NELL1: variants seen among roughly 807,000 people sequenced by gnomAD.
The protein encoded by NELL1 is protein kinase C-binding protein NELL1.
A neutral mutation model predicts 107.4 loss-of-function variants in NELL1; 76 were observed. The ratio of observed to expected loss-of-function variants is 0.71; its 90% CI spans 0.59 to 0.86. The LOEUF is 0.86. NELL1 is among the 40% of genes least tolerant of loss of function. NELL1 has a pLI of 0.00. For synonymous variants in NELL1, 353 were observed against 341.2 expected (o/e 1.03, Z -0.38); for missense variants, 1,024 against 1,005.5 (o/e 1.02, Z -0.25).
At chr11:21,545,644 C>G (rs982136275) in intron 16 of NELL1, among the ~76,000 whole-genome samples, 1 of 146,390 alleles carries the variant, frequency 6.8e-6, no homozygotes, top group Non-Finnish European at 1.5e-5. Context: ...GCAAATTGTT[C>G]TTCATAAGTT....
chr11:20,950,266 C>T (rs1266914403), intron 11 of NELL1, among the ~76,000 whole-genome samples: 1 of 152,158 alleles, frequency 6.6e-6, no homozygotes, highest in Non-Finnish European at 1.5e-5. Flanking sequence ...CTCTTCCCAT[C>T]AGGCAATCAG....
chr11:21,364,646 G>C (rs1276004546), intron 14 of NELL1, among the ~76,000 whole-genome samples: 2 of 152,054 alleles, frequency 1.3e-5, no homozygotes, highest in Non-Finnish European at 2.9e-5. Context: ...GTTTATATGT[G>C]CATATAAAGG....
chr11:21,524,973 G>T (rs941144274), intron 15 of NELL1, among the ~76,000 whole-genome samples: 74 of 152,178 alleles, frequency 4.9e-4, no homozygotes, highest in African/African-American at 1.7e-3. Context: ...AGTTTGAAAT[G>T]AAGAGACCTA....
intron 15 of NELL1, among the ~76,000 whole-genome samples, chr11:21,431,852 G>A (rs927005716): frequency 1.8e-4 from 28 of 152,208 alleles, no homozygotes; most frequent in Middle Eastern, 3.4e-3. Context: ...CAGGAGTAAA[G>A]TTAAGCATGT....
intron 2 of NELL1, among the ~76,000 whole-genome samples, chr11:20,762,481 A>G (rs1435641452): frequency 6.6e-6 from 1 of 152,252 alleles, no homozygotes; most frequent in Non-Finnish European, 1.5e-5. Flanking sequence ...TAATTAGGGC[A>G]TAAAAAAGAT....
chr11:21,139,654 G>C (rs146945797), intron 13 of NELL1, among the ~76,000 whole-genome samples: 1 of 152,172 alleles, frequency 6.6e-6, no homozygotes, highest in African/African-American at 2.4e-5. Context: ...CTGGTACATG[G>C]TAGGCACTTG....
intron 12 of NELL1, among the ~76,000 whole-genome samples, chr11:21,061,026 C>T (rs1403603639): frequency 9.9e-5 from 15 of 152,176 alleles, no homozygotes; most frequent in African/African-American, 1.7e-4. Context: ...TGAGCCACCA[C>T]GCCTGGCCCC....
intron 3 of NELL1, among the ~76,000 whole-genome samples, chr11:20,827,558 C>G (rs1857911032): frequency 6.6e-6 from 1 of 151,044 alleles, no homozygotes; most frequent in Non-Finnish European, 1.5e-5. Context: ...ATGTGGTATT[C>G]CAGGTGTTTC....
rs184538976 is a variant in NELL1, at chr11:20,920,137, G to C, written c.759+803G>C. On this transcript the variant is annotated intron_variant, in intron 7 of 19. Transcript: ENST00000357134. Reference sequence around the variant, plus strand: ...AAATATAGAAAATATGGCTAATGCTGTTGTTATGATACCAATCAGTTGTGG... The same window carrying C: ...AAATATAGAAAATATGGCTAATGCTCTTGTTATGATACCAATCAGTTGTGG... 1.7e-3 allele frequency among the ~76,000 whole-genome samples: 252 copies of C among 152,232 alleles called. 2 individuals carry two copies. The highest frequency in any genetic ancestry group is 5.9e-3 in the African/African-American group (247 of 41,546).
intron 14 of NELL1, among the ~76,000 whole-genome samples, chr11:21,263,282 C>G (rs1848568839): frequency 6.6e-6 from 1 of 151,920 alleles, no homozygotes; most frequent in Admixed American, 6.6e-5. Flanking sequence ...TACTTAAGAG[C>G]TCTGCAATAA....
chr11:21,555,236 G>A (rs186914747), intron 16 of NELL1, among the ~76,000 whole-genome samples: 1 of 151,896 alleles, frequency 6.6e-6, no homozygotes. Context: ...AGGATGAAGA[G>A]GGCAATATTA....
intron 13 of NELL1, among the ~76,000 whole-genome samples, chr11:21,152,029 C>T (rs938001311): frequency 4.6e-5 from 7 of 152,180 alleles, no homozygotes; most frequent in African/African-American, 7.2e-5. Context: ...CTAATCCTCC[C>T]TGAAGGTGAA....
chr11:20,813,273 C>G (rs1207028986), intron 3 of NELL1, among the ~76,000 whole-genome samples: 3 of 152,134 alleles, frequency 2.0e-5, no homozygotes, highest in Non-Finnish European at 4.4e-5. Flanking sequence ...AGAGATAATT[C>G]TTAATCCAGA....
chr11:21,322,634 T>C lies in NELL1; in HGVS notation c.1550-48219T>C, dbSNP rs368828085. 2.6e-5 allele frequency among the ~76,000 whole-genome samples: 4 copies of C among 152,296 alleles called. No individual in the cohort carries two copies. In the East Asian group the frequency reaches 5.8e-4, roughly 22 times the overall value. ...TGGTCTAGTCTACTATGTTTCATTTTTGTGCAAGTGTTGACTGTGATCCAA... is the reference window on the plus strand; with the variant it reads ...TGGTCTAGTCTACTATGTTTCATTTCTGTGCAAGTGTTGACTGTGATCCAA... On this transcript the variant is annotated intron_variant, in intron 14 of 19. Coordinates refer to ENST00000357134, the MANE Select transcript of NELL1 (RefSeq NM_006157.5).
intron 2 of NELL1, among the ~76,000 whole-genome samples, chr11:20,768,644 G>T (rs1856581458): frequency 6.6e-6 from 1 of 152,220 alleles, no homozygotes; most frequent in Non-Finnish European, 1.5e-5. Flanking sequence ...TAATCACAAG[G>T]GTTCTCATAA....
At chr11:21,095,263 C>T (rs539834851) in intron 12 of NELL1, among the ~76,000 whole-genome samples, 3 of 152,290 alleles carry the variant, frequency 2.0e-5, no homozygotes, top group East Asian at 3.9e-4. Context: ...TCAGCCTGAA[C>T]CTTATTGTCC....
At chr11:21,226,444 C>T (rs1857894831) in intron 13 of NELL1, among the ~76,000 whole-genome samples, 1 of 152,176 alleles carries the variant, frequency 6.6e-6, no homozygotes, top group Non-Finnish European at 1.5e-5. Flanking sequence ...TCTCTACTTA[C>T]CAGTTCTATG....
chr11:21,169,685 G>A (rs1003778219), intron 13 of NELL1: 6 of 589,326 alleles, frequency 1.0e-5, no homozygotes, highest in East Asian at 8.9e-5. Flanking sequence ...GTACCTAATG[G>A]GACTGTAAAT....
intron 6 of NELL1, 103 bp from the exon 7 acceptor site, chr11:20,919,149 A>C (rs888001637): frequency 8.8e-6 from 5 of 567,758 alleles, no homozygotes; most frequent in African/African-American, 8.0e-5. Flanking sequence ...AACCAAAAAA[A>C]CCCCAAAAAC....
Sources: allele counts gnomAD v4.1 joint callset (sites outside exome capture counted in the v4.1 genomes callset), GRCh38; gene constraint gnomAD v4.1.1; transcripts MANE v1.5; gene names NCBI Gene and HGNC (gene_info 2026-07-23, HGNC 2026-07-21).